The following ENDOV variants were observed in gnomAD, a reference collection of about 807,000 sequenced individuals.
ENDOV encodes hEndoV.
A neutral mutation model predicts 39.4 loss-of-function variants in ENDOV; 37 were observed. The ratio of observed to expected loss-of-function variants is 0.94; its 90% CI spans 0.72 to 1.23. The LOEUF (loss-of-function observed/expected upper bound fraction) is 1.23, where lower values mean the gene tolerates loss of function less well. Ranked by LOEUF, ENDOV falls within the 50% of genes most tolerant of loss-of-function variation. The pLI is 0.00. For synonymous variants in ENDOV, 186 were observed against 163.4 expected (o/e 1.14, Z -1.05); for missense variants, 441 against 375.7 (o/e 1.17, Z -1.44).
At chr17:80,434,491 C>T (rs1222635385) in intron 9 of ENDOV, among the ~76,000 whole-genome samples, 1 of 152,082 alleles carries the variant, frequency 6.6e-6, no homozygotes, top group Non-Finnish European at 1.5e-5. Flanking sequence ...ATGTGGTGAC[C>T]CTGTGTTTAA....
chr17:80,429,926 T>A, intron 9 of ENDOV, 95 bp downstream of exon 9: 1 of 1,601,584 alleles, frequency 6.2e-7, no homozygotes, highest in Non-Finnish European at 8.5e-7. Context: ...GGCAGTAGGG[T>A]GGAACTGGGC....
At chr17:80,415,982 A>T (rs753454379) in intron 2 of ENDOV, 161 bp downstream of exon 2, 210 of 844,432 alleles carry the variant, frequency 2.5e-4, no homozygotes, top group Non-Finnish European at 3.4e-4. Context: ...TCACGCCTGC[A>T]ATCCCAGCAC....
chr17:80,430,183 C>T (rs2083237660), intron 9 of ENDOV: 1 of 1,486,106 alleles, frequency 6.7e-7, no homozygotes, highest in Non-Finnish European at 8.9e-7. Context: ...CACGGTGCCT[C>T]AGAGGACAGA....
chr17:80,434,152 G>A (rs1009642683), intron 9 of ENDOV, among the ~76,000 whole-genome samples: 3 of 152,034 alleles, frequency 2.0e-5, no homozygotes, highest in South Asian at 4.2e-4. Flanking sequence ...TGGAATCACC[G>A]TGTGTCTCTG....
At chr17:80,425,135 C>T (rs2082529507) in intron 6 of ENDOV, 35 bp downstream of exon 6, 2 of 1,570,314 alleles carry the variant, frequency 1.3e-6, no homozygotes. Flanking sequence ...CTCCAAAGCC[C>T]CGGGGTAGGG....
In ENDOV at chr17:80,425,493, C is replaced by T; in HGVS notation, c.587C>T (p.Ala196Val). ...LGDSGTVLGM[A>V]LRSHDRSTRP... ...CAGCCCTCGCCTTCCTTGTCACAGG[C>T]CCTGAGGAGCCACGACCGCAGCACC... is the stretch of plus-strand genomic sequence containing the variant. Residue 196 changes from alanine to valine, a missense_variant and splice_region_variant, in exon 7 of 10, where the codon GCC becomes GTC. By Grantham distance (64) the Ala-to-Val change is moderately conservative. Coordinates refer to ENST00000518137, the MANE Select transcript of ENDOV (RefSeq NM_173627.5). 6.3e-7 allele frequency: 1 copy of T among 1,595,870 alleles called. No homozygotes were observed. Among genetic ancestry groups the T allele is most frequent in the African/African-American group, 1.3e-5 (1 of 74,856 alleles).
intron 4 of ENDOV, among the ~76,000 whole-genome samples, chr17:80,422,486 C>T (rs2082180223): frequency 6.6e-6 from 1 of 152,280 alleles, no homozygotes; most frequent in South Asian, 2.1e-4. Flanking sequence ...CCACTGCCTT[C>T]TCTACAGTGC....
At chr17:80,431,833 G>A (rs1433839611) in intron 9 of ENDOV, among the ~76,000 whole-genome samples, 1 of 152,228 alleles carries the variant, frequency 6.6e-6, no homozygotes, top group Non-Finnish European at 1.5e-5. Context: ...ACTTGCCTTG[G>A]AAAGGGAGAG....
intron 9 of ENDOV, among the ~76,000 whole-genome samples, chr17:80,432,823 C>T (rs981878627): frequency 3.3e-5 from 5 of 152,028 alleles, no homozygotes; most frequent in Non-Finnish European, 7.4e-5. Context: ...CCCAGCAGTA[C>T]CCAGGTTTCT....
At position 80,422,264 on chromosome 17, in the gene ENDOV, G is replaced by A. The variant is rs2082138956; in HGVS notation, c.403+19G>A. 2 of 1,613,420 alleles carry A rather than the reference G, an allele frequency of 1.2e-6. No homozygotes were observed. The highest frequency in any genetic ancestry group is 1.7e-6 in the Non-Finnish European group (2 of 1,179,746). ...CACCGAGGTAATCCTGCTCTTGGAG[G>A]TCCAGGGAGGGCACTGTGGGGAAGA... On this transcript the variant is annotated intron_variant, in intron 4 of 9. Coordinates refer to ENST00000518137, the MANE Select transcript of ENDOV (RefSeq NM_173627.5).
At chr17:80,435,692 G>T (rs2145156408) in intron 9 of ENDOV, among the ~76,000 whole-genome samples, 1 of 152,082 alleles carries the variant, frequency 6.6e-6, no homozygotes, top group East Asian at 1.9e-4. Context: ...TCGGCTCACT[G>T]CAAGCTCCGC....
chr17:80,430,851 G>A (rs1373238360), intron 9 of ENDOV, among the ~76,000 whole-genome samples: 1 of 152,194 alleles, frequency 6.6e-6, no homozygotes, highest in Non-Finnish European at 1.5e-5. Flanking sequence ...CTCCACTGTG[G>A]GAAAGCAGCC....
chr17:80,421,511 C>T (rs957008390), intron 2 of ENDOV, among the ~76,000 whole-genome samples: 1 of 125,218 alleles, frequency 8.0e-6, no homozygotes, highest in Admixed American at 9.6e-5. Context: ...TGCTATGGAC[C>T]AGGTCCCGGT....
chr17:80,431,598 G>A (rs2083333011), intron 9 of ENDOV, among the ~76,000 whole-genome samples: 1 of 152,194 alleles, frequency 6.6e-6, no homozygotes, highest in South Asian at 2.1e-4. Context: ...TGGGGCGAGA[G>A]GGAGCCCCAG....
chr17:80,421,339 A>G (rs112456853), intron 2 of ENDOV, among the ~76,000 whole-genome samples: 2 of 149,810 alleles, frequency 1.3e-5, no homozygotes, highest in African/African-American at 4.9e-5. Flanking sequence ...CCTATGGACC[A>G]GGTCCTGGGG....
In ENDOV at chr17:80,415,684, C is replaced by G. The variant is rs1180521654; in HGVS notation, c.91C>G (p.Arg31Gly). ...TCGGCTGAAGGCCCACGTCGTAGACCGGGACACCGAGGCGTGGCAGCGAGA... is the reference window on the plus strand; with the variant it reads ...TCGGCTGAAGGCCCACGTCGTAGACGGGGACACCGAGGCGTGGCAGCGAGA... ...QARLKAHVVD[R>G]DTEAWQRDPA... is the part of the protein sequence containing the mutation. The change falls in exon 2 of 10, where the codon CGG becomes GGG. Residue 31 changes from arginine (R) to glycine (G), a missense_variant. Coordinates refer to ENST00000518137, the MANE Select transcript of ENDOV (RefSeq NM_173627.5). The G allele has an allele frequency of 1.2e-6, 2 of 1,612,332 alleles. No individual in the cohort carries two copies. The highest frequency in any genetic ancestry group is 1.7e-5 in the Admixed American group (1 of 59,780).
chr17:80,429,642 C>T (rs986560520), intron 8 of ENDOV, 131 bp from the exon 9 acceptor site: 67 of 841,572 alleles, frequency 8.0e-5, no homozygotes, highest in Admixed American at 4.6e-4. Flanking sequence ...TCTGCCCTGC[C>T]CTCTGCCCTG....
At chr17:80,422,449 C>T (rs897706540) in intron 4 of ENDOV, among the ~76,000 whole-genome samples, 1 of 152,258 alleles carries the variant, frequency 6.6e-6, no homozygotes, top group Non-Finnish European at 1.5e-5. Context: ...TCTACTTTCG[C>T]TTCACCCCTT....
Position 80,415,733 on chromosome 17 carries a change from G to C in ENDOV, c.140G>C (p.Arg47Thr). 1 of 1,608,610 alleles carries C rather than the reference G, an allele frequency of 6.2e-7. No individual in the cohort carries two copies. The highest frequency in any genetic ancestry group is 8.5e-7 in the Non-Finnish European group (1 of 1,177,686). ...GACCCCGCCTTCTCGGGTCTGCAGA[G>C]GGTCGGGGGCGTTGACGTGTCCTTC... is the stretch of plus-strand genomic sequence containing the variant. ...QRDPAFSGLQ[R>T]VGGVDVSFVK... is the part of the protein sequence containing the mutation. The change falls in exon 2 of 10, where the codon AGG (arginine) becomes ACG (threonine). Residue 47 changes from arginine to threonine, a missense_variant. Coordinates refer to ENST00000518137, the MANE Select transcript of ENDOV (RefSeq NM_173627.5).
Sources: gnomAD v4.1 joint callset for allele counts (sites outside exome capture counted in the v4.1 genomes callset) on GRCh38, gnomAD v4.1.1 for gene constraint, MANE v1.5 for transcripts, NCBI Gene and HGNC (gene_info 2026-07-23, HGNC 2026-07-21) for gene names.